GRIA2: variants seen among roughly 807,000 people sequenced by gnomAD.
GRIA2 encodes the protein glutamate ionotropic receptor AMPA type subunit 2, also known as glutamate receptor 2.
In GRIA2, 14 loss-of-function variants were observed where a neutral mutation model predicts 97.3. The observed-to-expected ratio is 0.14, with a 90% confidence interval of 0.10 to 0.23. GRIA2 has a LOEUF of 0.23. Ranked by LOEUF, GRIA2 falls within the 10% of genes least tolerant of loss-of-function variation. The pLI is 1.00. For synonymous variants in GRIA2, 412 were observed against 387.8 expected, an observed-to-expected ratio of 1.06 and a Z score of -0.73; for missense variants, 558 against 1,069.8, an observed-to-expected ratio of 0.52 and a Z score of 6.67.
intron 2 of GRIA2, among the ~76,000 whole-genome samples, chr4:157,223,230 G>A (rs984041079): frequency 2.6e-5 from 4 of 152,132 alleles, no homozygotes; most frequent in African/African-American, 9.7e-5. Context: ...TCACCCGGAC[G>A]AATGAAGAAA....
At chr4:157,272,355 T>C (rs1447024257) in intron 2 of GRIA2, among the ~76,000 whole-genome samples, 2 of 151,864 alleles carry the variant, frequency 1.3e-5, no homozygotes, top group African/African-American at 4.8e-5. Context: ...CACAGGGCAA[T>C]TTGCCACCCC....
At position 157,341,342 on chromosome 4, in the gene GRIA2, A is replaced by G. The variant is rs1218556499; in HGVS notation, c.1923A>G (p.Leu641=). 5 of 1,612,628 alleles carry G rather than the reference A, an allele frequency of 3.1e-6. No individual in the cohort carries two copies. Among genetic ancestry groups the G allele is most frequent in the South Asian group, 1.1e-5 (1 of 91,034 alleles). The change falls in exon 12 of 16, where the codon TTA becomes TTG. Residue 641 remains leucine, a synonymous_variant. Coordinates refer to ENST00000264426, the MANE Select transcript of GRIA2 (RefSeq NM_001083619.3). ...LIIISSYTAN[L]AAFLTVERMV... The stretch of plus-strand genomic sequence containing the variant: ...TAATCTCCTCCTACACGGCTAACTT[A>G]GCTGCCTTCCTGACTGTAGAGAGGA...
At chr4:157,228,533 C>G (rs1343988127) in intron 2 of GRIA2, among the ~76,000 whole-genome samples, 3 of 152,078 alleles carry the variant, frequency 2.0e-5, no homozygotes, top group Non-Finnish European at 2.9e-5. Flanking sequence ...TGGCTCATGC[C>G]TGTAATCCCA....
At chr4:157,221,828 C>T (rs761840250) in intron 2 of GRIA2, 21 bp downstream of exon 2, 2 of 1,611,094 alleles carry the variant, frequency 1.2e-6, no homozygotes, top group Non-Finnish European at 1.7e-6. Flanking sequence ...AATATTCATG[C>T]CTTTCGGGTG....
intron 12 of GRIA2, among the ~76,000 whole-genome samples, chr4:157,348,173 A>G (rs1026337688): frequency 6.6e-6 from 1 of 152,144 alleles, no homozygotes; most frequent in African/African-American, 2.4e-5. Flanking sequence ...CTAGCAGACA[A>G]TTTTGCTCTG....
intron 4 of GRIA2, among the ~76,000 whole-genome samples, chr4:157,313,523 T>C (rs143882723): frequency 1.6e-4 from 25 of 152,274 alleles, no homozygotes; most frequent in Admixed American, 7.2e-4. Flanking sequence ...GCTTAGATAC[T>C]ACCTTGCTTC....
chr4:157,360,858 T>C (rs1259277216), intron 13 of GRIA2, 152 bp from the exon 14 acceptor site: 2 of 683,538 alleles, frequency 2.9e-6, no homozygotes, highest in East Asian at 2.8e-5. Context: ...TTTTAGTAGC[T>C]CATAGTAACA....
At chr4:157,256,218 T>TTATATA (rs1561013166) in intron 2 of GRIA2, among the ~76,000 whole-genome samples, 1 of 120,636 alleles carries the variant, frequency 8.3e-6, no homozygotes, top group African/African-American at 3.5e-5. Context: ...ATGTTATATA[T>TTATATA]AATATATAAT....
chr4:157,253,109 C>G (rs1396531392), intron 2 of GRIA2, among the ~76,000 whole-genome samples: 3 of 151,184 alleles, frequency 2.0e-5, no homozygotes, highest in African/African-American at 7.3e-5. Context: ...ATATCTTAAT[C>G]CCCCACCTTT....
At chr4:157,257,158 A>G (rs548016684) in intron 2 of GRIA2, among the ~76,000 whole-genome samples, 14 of 152,230 alleles carry the variant, frequency 9.2e-5, no homozygotes, top group African/African-American at 3.4e-4. Flanking sequence ...TAAATGCCAG[A>G]TAAACACAGA....
chr4:157,319,374 C>T (rs1734460597), intron 5 of GRIA2, among the ~76,000 whole-genome samples: 1 of 152,034 alleles, frequency 6.6e-6, no homozygotes, highest in Non-Finnish European at 1.5e-5. Context: ...ATATCTGATG[C>T]TATTAAAATG....
chr4:157,256,156 T>A (rs1731233628), intron 2 of GRIA2, among the ~76,000 whole-genome samples: 1 of 138,762 alleles, frequency 7.2e-6, no homozygotes, highest in Non-Finnish European at 1.5e-5. Flanking sequence ...TATTATATAT[T>A]ACATATATAT....
intron 2 of GRIA2, among the ~76,000 whole-genome samples, chr4:157,286,979 T>C (rs1257191061): frequency 3.3e-5 from 5 of 151,538 alleles, no homozygotes; most frequent in African/African-American, 1.2e-4. Flanking sequence ...ATTTAAAATA[T>C]TTTTTTGATC....
intron 2 of GRIA2, among the ~76,000 whole-genome samples, chr4:157,246,965 A>T (rs1196103162): frequency 6.6e-6 from 1 of 152,148 alleles, no homozygotes; most frequent in Non-Finnish European, 1.5e-5. Context: ...TTCCTTTTGC[A>T]GTGATATTTC....
At chr4:157,312,647 T>G in intron 3 of GRIA2, 32 bp from the exon 4 acceptor site, 1 of 1,274,790 alleles carries the variant, frequency 7.8e-7, no homozygotes, top group Non-Finnish European at 1.1e-6. Flanking sequence ...TCACGTATCT[T>G]TATCAGTCAT....
intron 2 of GRIA2, among the ~76,000 whole-genome samples, chr4:157,222,346 T>C (rs1729536575): frequency 6.6e-6 from 1 of 152,172 alleles, no homozygotes; most frequent in African/African-American, 2.4e-5. Flanking sequence ...CCTCGCGAGC[T>C]CCATGTTCTC....
At chr4:157,247,891 G>C (rs951330838) in intron 2 of GRIA2, among the ~76,000 whole-genome samples, 1 of 151,952 alleles carries the variant, frequency 6.6e-6, no homozygotes, top group South Asian at 2.1e-4. Context: ...TGGAAGAGAC[G>C]CTTAAGGTTT....
In GRIA2 at chr4:157,363,033, G is replaced by T; in HGVS notation, c.2641G>T (p.Val881Phe). Residue 881 changes from valine (V) to phenylalanine (F), a missense_variant, in exon 15 of 16, where the codon GTT becomes TTT. This residue lies in a region of GRIA2 where 54 missense variants were observed against 82.1 expected (regional missense o/e 0.66). Transcript: ENST00000264426. ...EGYNVYGIES[V>F]KI ...TTACAACGTATATGGCATCGAAAGT[G>T]TTAAAATTTAGGGGGTAGGAACGAG... 6.2e-7 allele frequency: 1 copy of T among 1,611,136 alleles called. No homozygotes were observed.
In GRIA2 at chr4:157,364,225, G is replaced by C. The variant is rs990578260; in HGVS notation, c.*794G>C. On this transcript the variant is annotated 3_prime_UTR_variant, in exon 16 of 16. Transcript: ENST00000264426. ...AATGTATCCTATTCTTTAACATTTG[G>C]TGTTAATATAAAATTACTTGGCAAT... The C allele has an allele frequency of 6.6e-6, 1 of 152,222 alleles. No individual in the cohort carries two copies. Among genetic ancestry groups the C allele is most frequent in the African/African-American group, 2.4e-5 (1 of 41,354 alleles). The allele number at this position is 152,222 out of a possible 1,614,324, so 9.4% of individuals were successfully genotyped here. A position where few individuals can be genotyped will look rare whatever the true frequency, so the allele number is the denominator to read the frequency against.
Sources: allele counts gnomAD v4.1 joint callset (sites outside exome capture counted in the v4.1 genomes callset), GRCh38; gene constraint gnomAD v4.1.1; regional missense constraint gnomAD v4.1.1; transcripts MANE v1.5; gene names NCBI Gene and HGNC (gene_info 2026-07-23, HGNC 2026-07-21).